The following PAQR5 variants were observed in gnomAD, a reference collection of about 807,000 sequenced individuals.
PAQR5 encodes the protein progestin and adipoQ receptor family member 5.
In PAQR5, 20 loss-of-function variants were observed where a neutral mutation model predicts 34.5. The ratio of observed to expected loss-of-function variants is 0.58; its 90% CI spans 0.41 to 0.84. The LOEUF (loss-of-function observed/expected upper bound fraction) is 0.84. PAQR5 is among the 40% of genes least tolerant of loss of function. PAQR5 has a pLI of 0.00. For synonymous variants in PAQR5, 131 were observed against 155.6 expected, an observed-to-expected ratio of 0.84 and a Z score of 1.18; for missense variants, 378 against 412.7, an observed-to-expected ratio of 0.92 and a Z score of 0.73.
At chr15:69,330,306 G>A (rs2054349976) in intron 1 of PAQR5, among the ~76,000 whole-genome samples, 6 of 152,220 alleles carry the variant, frequency 3.9e-5, no homozygotes, top group South Asian at 4.1e-4. Flanking sequence ...GGCATAGGCT[G>A]AACTTACTTT....
At chr15:69,383,406 G>A (rs1242016252) in intron 4 of PAQR5, among the ~76,000 whole-genome samples, 2 of 144,108 alleles carry the variant, frequency 1.4e-5, no homozygotes, top group South Asian at 2.2e-4. Flanking sequence ...TGTGTTCATC[G>A]TGGAGGGTGA....
At chr15:69,355,316 C>T (rs550997760) in intron 2 of PAQR5, among the ~76,000 whole-genome samples, 40 of 41,542 alleles carry the variant, frequency 9.6e-4, no homozygotes, top group African/African-American at 5.8e-3. Flanking sequence ...TTCTTTCTTT[C>T]TTTCTTTCTT....
In PAQR5 at chr15:69,385,552, T is replaced by G. The variant is rs2056082109; in HGVS notation, c.385+670T>G. Among the ~76,000 whole-genome samples, 1 of 152,134 alleles carries G rather than the reference T, an allele frequency of 6.6e-6. No homozygotes were observed. Among genetic ancestry groups the G allele is most frequent in the Non-Finnish European group, 1.5e-5 (1 of 68,020 alleles). On this transcript the variant is annotated intron_variant, in intron 5 of 8. Transcript: ENST00000395407. The surrounding 1 kb of genome is among the most constrained non-coding windows in gnomAD (Gnocchi z 4.7). ...GCCCCCTCTTCCTTGTCTTTTTCTTTGACTATGATGCTCCCTCCTCTGGCC... is the reference window on the plus strand; with the variant it reads ...GCCCCCTCTTCCTTGTCTTTTTCTTGGACTATGATGCTCCCTCCTCTGGCC...
intron 7 of PAQR5, among the ~76,000 whole-genome samples, chr15:69,399,678 C>T (rs1436695316): frequency 6.6e-6 from 1 of 152,122 alleles, no homozygotes; most frequent in Non-Finnish European, 1.5e-5. Flanking sequence ...CTCTCCGATT[C>T]AGTTAAGTAA....
intron 6 of PAQR5, among the ~76,000 whole-genome samples, chr15:69,393,063 A>T (rs1595936181): frequency 6.6e-6 from 1 of 151,900 alleles, no homozygotes; most frequent in Non-Finnish European, 1.5e-5. Flanking sequence ...GTTTCCAGGC[A>T]TATTAGCAGC....
chr15:69,357,342 C>A (rs2140828530), intron 2 of PAQR5, among the ~76,000 whole-genome samples: 1 of 152,198 alleles, frequency 6.6e-6, no homozygotes, highest in Non-Finnish European at 1.5e-5. Context: ...CGGCTCACTG[C>A]AACCTCCACC....
At chr15:69,349,643 T>TA (rs1031193657) in intron 2 of PAQR5, among the ~76,000 whole-genome samples, 16 of 151,822 alleles carry the variant, frequency 1.1e-4, no homozygotes, top group African/African-American at 3.1e-4. Flanking sequence ...TATTTTTATT[T>TA]TTTTTTTTAT....
intron 1 of PAQR5, among the ~76,000 whole-genome samples, chr15:69,328,523 G>T (rs922293414): frequency 1.3e-5 from 2 of 152,208 alleles, no homozygotes; most frequent in African/African-American, 4.8e-5. Context: ...CTGACTGTGG[G>T]CTGGGCCCGA....
In PAQR5 at chr15:69,370,650, G is replaced by C. The variant is rs551549793; in HGVS notation, c.52-9233G>C. On this transcript the variant is annotated intron_variant, in intron 3 of 8. Transcript: ENST00000395407. Reference sequence around the variant, plus strand: ...TTCTCCTGCCTCAGCCTCCCGAGTAGCTGGGATTACAGGCACCTGCCACCA... The same window carrying C: ...TTCTCCTGCCTCAGCCTCCCGAGTACCTGGGATTACAGGCACCTGCCACCA... 4.1e-4 allele frequency among the ~76,000 whole-genome samples: 62 copies of C among 152,244 alleles called. No individual in the cohort carries two copies. In the South Asian group the frequency reaches 0.013, roughly 31 times the overall value.
At chr15:69,348,249 C>T (rs990950676) in intron 2 of PAQR5, among the ~76,000 whole-genome samples, 1 of 152,164 alleles carries the variant, frequency 6.6e-6, no homozygotes, top group African/African-American at 2.4e-5. Flanking sequence ...TGAACCCTTA[C>T]TTTTATGGCA....
rs1405244226 is a variant in PAQR5 at position 69,300,951 on chromosome 15, CTTT to C, written c.-277+1896_-277+1898del. On this transcript the variant is annotated intron_variant, in intron 1 of 8. Transcript: ENST00000395407. ...TCTCTCTCTCTCTCTTTCTTTCCTT[CTTT>C]CTTTCTTTCTTTCTTTCTTTCTTTC... is the stretch of plus-strand genomic sequence containing the variant. Among the ~76,000 whole-genome samples the C allele has an allele frequency of 2.5e-4, 7 of 28,058 alleles. 1 individual carries two copies. Among genetic ancestry groups the C allele is most frequent in the Admixed American group, 6.3e-4 (1 of 1,594 alleles). The allele number at this position is 28,058 out of a possible 152,430, so 18.4% of individuals were successfully genotyped here. A position where few individuals can be genotyped will look rare whatever the true frequency, so the allele number is the denominator to read the frequency against.
chr15:69,399,069 C>T (rs977888987), intron 7 of PAQR5, among the ~76,000 whole-genome samples: 4 of 152,318 alleles, frequency 2.6e-5, no homozygotes, highest in Admixed American at 6.5e-5. Context: ...GTGGTGGCTA[C>T]TATGACTTTA....
At chr15:69,346,554 C>T (rs1220568581) in intron 2 of PAQR5, among the ~76,000 whole-genome samples, 1 of 151,158 alleles carries the variant, frequency 6.6e-6, no homozygotes, top group Non-Finnish European at 1.5e-5. Flanking sequence ...CTCACCTTGG[C>T]CTTGCAAAGT....
At chr15:69,339,804 G>A (rs2054597997) in intron 2 of PAQR5, among the ~76,000 whole-genome samples, 1 of 151,960 alleles carries the variant, frequency 6.6e-6, no homozygotes, top group South Asian at 2.1e-4. Flanking sequence ...ACCAGAGCAT[G>A]TGTGACTCTA....
chr15:69,388,580 C>T (rs1004428316), intron 5 of PAQR5, among the ~76,000 whole-genome samples: 1 of 152,244 alleles, frequency 6.6e-6, no homozygotes, highest in Admixed American at 6.5e-5. Context: ...GCAGGGAACC[C>T]CCTCCCAGTA....
At chr15:69,388,731 A>G (rs2056177223) in intron 5 of PAQR5, among the ~76,000 whole-genome samples, 1 of 152,194 alleles carries the variant, frequency 6.6e-6, no homozygotes, top group African/African-American at 2.4e-5. Context: ...GCTTTGCTAG[A>G]TCCACCTGTC....
intron 2 of PAQR5, among the ~76,000 whole-genome samples, chr15:69,346,449 G>A (rs547668853): frequency 6.6e-6 from 1 of 151,810 alleles, no homozygotes; most frequent in Non-Finnish European, 1.5e-5. Flanking sequence ...GGGACCACAG[G>A]CACATGCCAC....
Position 69,389,686 on chromosome 15 carries a change from C to A in PAQR5, c.418C>A (p.Pro140Thr). The A allele has an allele frequency of 6.2e-7, 1 of 1,614,206 alleles. No individual in the cohort carries two copies. The highest frequency in any genetic ancestry group is 1.1e-5 in the South Asian group (1 of 91,078). Residue 140 changes from proline (P) to threonine (T), a missense_variant, in exon 6 of 9, where the codon CCG becomes ACG. Physicochemically the swap from Pro to Thr is conservative, Grantham distance 38 (BLOSUM62 -1). Transcript: ENST00000395407. ...CATTGCCTACTCTGCATACACGTTC[C>A]CGGATGCGCTCATGTGCACCACTTT... The part of the protein sequence containing the change: ...SAIAYSAYTF[P>T]DALMCTTFHD...
At chr15:69,403,385 C>A (rs1291547525) in intron 8 of PAQR5, among the ~76,000 whole-genome samples, 196 bp from the exon 9 acceptor site, 1 of 152,150 alleles carries the variant, frequency 6.6e-6, no homozygotes, top group East Asian at 1.9e-4. Context: ...AATACCTATT[C>A]TCACCCCCTG....
Sources: gnomAD v4.1 joint callset for allele counts (sites outside exome capture counted in the v4.1 genomes callset) on GRCh38, gnomAD v4.1.1 for gene constraint, Gnocchi (gnomAD v3.1) non-coding constraint, MANE v1.5 for transcripts, NCBI Gene and HGNC (gene_info 2026-07-23, HGNC 2026-07-21) for gene names.